The following ABCC11 variants were observed in gnomAD, a reference collection of about 807,000 sequenced individuals.
ABCC11 encodes ATP binding cassette subfamily C member 11.
Under a neutral mutation model 149.3 loss-of-function variants are expected in ABCC11, and 135 were observed. The ratio of observed to expected loss-of-function variants is 0.90; its 90% CI spans 0.79 to 1.04. ABCC11 has a LOEUF of 1.04. Ranked by LOEUF, ABCC11 falls within the 50% of genes least tolerant of loss-of-function variation. The probability of loss-of-function intolerance (pLI) is 0.00; values close to 1 mark genes in which losing one functional copy is unlikely to be tolerated. For synonymous variants in ABCC11, 665 were observed against 671.4 expected (o/e 0.99, Z 0.15); for missense variants, 1,680 against 1,722.1 (o/e 0.98, Z 0.43).
At chr16:48,180,053 A>C (rs923156797) in intron 23 of ABCC11, among the ~76,000 whole-genome samples, 2 of 152,196 alleles carry the variant, frequency 1.3e-5, no homozygotes, top group African/African-American at 4.8e-5. Flanking sequence ...CCCTCAGTGT[A>C]TCACACCCTG....
At chr16:48,189,869 G>C (rs1966856474) in intron 20 of ABCC11, among the ~76,000 whole-genome samples, 1 of 152,158 alleles carries the variant, frequency 6.6e-6, no homozygotes, top group Non-Finnish European at 1.5e-5. Flanking sequence ...TTTGCATTCA[G>C]TCTACAAGGA....
chr16:48,245,342 G>A (rs765783322), intron 1 of ABCC11, among the ~76,000 whole-genome samples: 28 of 152,150 alleles, frequency 1.8e-4, no homozygotes, highest in Non-Finnish European at 3.2e-4. Flanking sequence ...CGCCCTATTG[G>A]TGTGACTTTG....
At position 48,200,336 on chromosome 16, in the gene ABCC11, C is replaced by T. The variant is rs756605321; in HGVS notation, c.2022G>A (p.Glu674=). ...CCCTGAGTGTCTTCTTAATGCACTC[C>T]TCAAAAATGTGCTTCCCCACGTGGG... ...VDAHVGKHIF[E]ECIKKTLRGK... is the part of the protein sequence containing the mutation. The change falls in exon 15 of 30, where the codon GAG becomes GAA. Residue 674 remains glutamate (E), a synonymous_variant. Transcript: ENST00000356608. 1.9e-6 allele frequency: 3 copies of T among 1,614,244 alleles called. No individual in the cohort carries two copies. Among genetic ancestry groups the T allele is most frequent in the Admixed American group, 3.3e-5 (2 of 60,034 alleles).
At chr16:48,221,827 G>A (rs558238501) in intron 6 of ABCC11, among the ~76,000 whole-genome samples, 28 of 152,170 alleles carry the variant, frequency 1.8e-4, no homozygotes, top group African/African-American at 6.7e-4. Context: ...CTGCAGCCTT[G>A]AACTCTTGGG....
intron 14 of ABCC11, among the ~76,000 whole-genome samples, chr16:48,200,682 C>T (rs1006964346): frequency 4.6e-5 from 7 of 152,130 alleles, no homozygotes; most frequent in South Asian, 4.2e-4. Context: ...AAGCTGATCT[C>T]GTGGAGGTAG....
In ABCC11 at chr16:48,198,236, C is replaced by T; in HGVS notation, c.2122G>A (p.Gly708Arg). Reference protein sequence around the residue: ...FCGQIILLENGKICENGTHSE... With the variant: ...FCGQIILLENRKICENGTHSE... ...TGAGTTCCATTTTCACAGATTTTCC[C>T]ATTTTCCAACAAAATGATCTGGCCA... is the stretch of plus-strand genomic sequence containing the variant. The change falls in exon 16 of 30, where the codon GGG becomes AGG. Residue 708 changes from glycine to arginine, a missense_variant. Coordinates refer to ENST00000356608, the MANE Select transcript of ABCC11 (RefSeq NM_001370497.1). 9 of 1,614,214 alleles carry T rather than the reference C, an allele frequency of 5.6e-6. No individual in the cohort carries two copies. Among genetic ancestry groups the T allele is most frequent in the Non-Finnish European group, 7.6e-6 (9 of 1,180,042 alleles).
intron 20 of ABCC11, among the ~76,000 whole-genome samples, chr16:48,189,732 T>C (rs1218567773): frequency 6.6e-6 from 1 of 151,996 alleles, no homozygotes; most frequent in Non-Finnish European, 1.5e-5. Flanking sequence ...AGAGGCCGGG[T>C]GGGAAAGTGT....
Position 48,176,933 on chromosome 16 carries a change from T to A in ABCC11, c.3529A>T (p.Thr1177Ser). The change falls in exon 25 of 30, where the codon ACG becomes TCG. Residue 1177 changes from threonine to serine, a missense_variant. Coordinates refer to ENST00000356608, the MANE Select transcript of ABCC11 (RefSeq NM_001370497.1). ...AGGAAGCTCAGCTCACCAGAGCCCGTCCTTCCCACGATGCCCACCACTTCG... is the reference window on the plus strand; with the variant it reads ...AGGAAGCTCAGCTCACCAGAGCCCGACCTTCCCACGATGCCCACCACTTCG... Reference protein sequence around the residue: ...GHEVVGIVGRTGSGKSSLGMA... With the variant: ...GHEVVGIVGRSGSGKSSLGMA... The A allele has an allele frequency of 6.2e-7, 1 of 1,613,642 alleles. No homozygotes were observed. Among genetic ancestry groups the A allele is most frequent in the Non-Finnish European group, 8.5e-7 (1 of 1,179,952 alleles).
intron 27 of ABCC11, 27 bp downstream of exon 27, chr16:48,170,862 C>A: frequency 6.3e-7 from 1 of 1,596,978 alleles, no homozygotes; most frequent in Non-Finnish European, 8.6e-7. Context: ...AGACTTAGAC[C>A]AAGACTTGGG....
rs1968852630 is a variant in ABCC11 at position 48,210,790 on chromosome 16, C to A, written c.1608+158G>T. 20 of 1,042,690 alleles carry A rather than the reference C, an allele frequency of 1.9e-5. No individual in the cohort carries two copies. In the South Asian group the frequency reaches 3.1e-4, roughly 16 times the overall value. The allele number at this position is 1,042,690 out of a possible 1,614,324, so 64.6% of individuals were successfully genotyped here. ...TTCACATTAAAAAATGAACGATATC[C>A]TGTGTTTGCCCTCCATGAAAAATTT... On this transcript the variant is annotated intron_variant, in intron 11 of 29. Coordinates refer to ENST00000356608, the MANE Select transcript of ABCC11 (RefSeq NM_001370497.1).
intron 1 of ABCC11, among the ~76,000 whole-genome samples, chr16:48,239,833 AAAAC>A (rs1422286048): frequency 3.3e-5 from 5 of 152,210 alleles, no homozygotes; most frequent in African/African-American, 9.6e-5. Flanking sequence ...AACAAATTTA[AAAAC>A]AAACAACCCC....
At chr16:48,217,816 AG>A in intron 6 of ABCC11, among the ~76,000 whole-genome samples, 1 of 152,230 alleles carries the variant, frequency 6.6e-6, no homozygotes, top group East Asian at 1.9e-4. Context: ...GCCACTCTGA[AG>A]GGCAATTTTA....
chr16:48,191,938 C>T (rs1321660725), intron 20 of ABCC11, among the ~76,000 whole-genome samples: 2 of 151,986 alleles, frequency 1.3e-5, no homozygotes, highest in African/African-American at 4.8e-5. Context: ...ATGTAACTAA[C>T]CTGCATGTGC....
At chr16:48,204,856 C>T (rs1239924416) in intron 13 of ABCC11, among the ~76,000 whole-genome samples, 7 of 152,074 alleles carry the variant, frequency 4.6e-5, no homozygotes, top group Non-Finnish European at 1.5e-5. Context: ...GGCAGGTTAA[C>T]CCGAGAATTC....
At chr16:48,179,756 A>T (rs1238605020) in intron 23 of ABCC11, among the ~76,000 whole-genome samples, 10 of 152,248 alleles carry the variant, frequency 6.6e-5, no homozygotes, top group Non-Finnish European at 1.3e-4. Context: ...AAGGATTCCA[A>T]GAAGAGTCAG....
At chr16:48,169,232 A>G (rs907730300) in intron 28 of ABCC11, among the ~76,000 whole-genome samples, 1 of 152,216 alleles carries the variant, frequency 6.6e-6, no homozygotes, top group African/African-American at 2.4e-5. Flanking sequence ...AAAGAGGATC[A>G]TCATTTGGTC....
intron 5 of ABCC11, 85 bp from the exon 6 acceptor site, chr16:48,222,916 T>C: frequency 8.6e-7 from 1 of 1,165,490 alleles, no homozygotes; most frequent in Non-Finnish European, 1.2e-6. Context: ...GGTTGGGAGG[T>C]CTGATTCATG....
At chr16:48,234,490 C>G (rs1970591216) in intron 1 of ABCC11, among the ~76,000 whole-genome samples, 1 of 152,162 alleles carries the variant, frequency 6.6e-6, no homozygotes, top group Non-Finnish European at 1.5e-5. Flanking sequence ...TGGCATCCAT[C>G]TTGCGAGAGT....
intron 20 of ABCC11, among the ~76,000 whole-genome samples, chr16:48,192,299 T>G (rs1212405491): frequency 6.6e-6 from 1 of 151,786 alleles, no homozygotes; most frequent in African/African-American, 2.4e-5. Context: ...CAAAAATTAG[T>G]CAGATCTAGT....
Sources: gnomAD v4.1 joint callset for allele counts (sites outside exome capture counted in the v4.1 genomes callset) on GRCh38, gnomAD v4.1.1 for gene constraint, MANE v1.5 for transcripts, NCBI Gene and HGNC (gene_info 2026-07-23, HGNC 2026-07-21) for gene names.